The following CRACR2A variants were observed in gnomAD, a reference collection of about 807,000 sequenced individuals.
The protein encoded by CRACR2A is EF-hand calcium-binding domain-containing protein 4B.
CRACR2A carries 79 observed loss-of-function variants against 90.5 expected under a neutral mutation model. The observed-to-expected ratio is 0.87, with a 90% CI of 0.73 to 1.05. The LOEUF (loss-of-function observed/expected upper bound fraction) is 1.05, where lower values mean the gene tolerates loss of function less well. Ranked by LOEUF, CRACR2A falls within the 50% of genes least tolerant of loss-of-function variation. The pLI is 0.00. For synonymous variants in CRACR2A, 338 were observed against 356.7 expected (o/e 0.95, Z 0.59); for missense variants, 823 against 897.2 (o/e 0.92, Z 1.06).
chr12:3,701,620 G>C (rs1440569428), intron 3 of CRACR2A, among the ~76,000 whole-genome samples: 1 of 152,078 alleles, frequency 6.6e-6, no homozygotes, highest in Non-Finnish European at 1.5e-5. Context: ...CACTCAAGGA[G>C]AGATAGATTA....
chr12:3,720,416 GAAGAAAGAAAGAAAGAAAGAAAGAAAGA>G (rs554793478), intron 2 of CRACR2A, among the ~76,000 whole-genome samples: 32 of 106,710 alleles, frequency 3.0e-4, no homozygotes, highest in South Asian at 1.0e-3. Flanking sequence ...TGAGAGAGAG[GAAGAAAGAAAGAAAGAAAGAAAGAAAGA>G]AAGAAAGAAA....
At chr12:3,748,454 G>C (rs1192373549) in intron 1 of CRACR2A, among the ~76,000 whole-genome samples, 1 of 152,200 alleles carries the variant, frequency 6.6e-6, no homozygotes, top group Non-Finnish European at 1.5e-5. Flanking sequence ...CTGGCATTCC[G>C]AGAAAGCCAG....
chr12:3,742,358 G>T (rs965322665), intron 1 of CRACR2A, among the ~76,000 whole-genome samples: 1 of 152,128 alleles, frequency 6.6e-6, no homozygotes, highest in Non-Finnish European at 1.5e-5. Flanking sequence ...ACAGGGTTCC[G>T]AATACCATCT....
chr12:3,666,364 T>TGTGTGTGTGTGTGC (rs765943563), intron 7 of CRACR2A, among the ~76,000 whole-genome samples: 13 of 149,496 alleles, frequency 8.7e-5, no homozygotes, highest in African/African-American at 3.0e-4. Flanking sequence ...TGCGTGCGTG[T>TGTGTGTGTGTGTGC]GCGCGTGCGC....
intron 1 of CRACR2A, among the ~76,000 whole-genome samples, chr12:3,743,114 C>T (rs1439514014): frequency 6.6e-6 from 1 of 152,206 alleles, no homozygotes; most frequent in Admixed American, 6.5e-5. Flanking sequence ...CTATTGAGTA[C>T]AAATTAGAAC....
At chr12:3,718,450 G>C (rs982864107) in intron 2 of CRACR2A, among the ~76,000 whole-genome samples, 1 of 152,134 alleles carries the variant, frequency 6.6e-6, no homozygotes, top group African/African-American at 2.4e-5. Context: ...GCAGAGTCTT[G>C]ATCCCAAGCC....
chr12:3,637,015 G>A (rs1014370232), intron 14 of CRACR2A, among the ~76,000 whole-genome samples: 1 of 152,194 alleles, frequency 6.6e-6, no homozygotes, highest in African/African-American at 2.4e-5. Flanking sequence ...CAGGATGAGG[G>A]CTCGAGGGGC....
In CRACR2A at chr12:3,633,770, G is replaced by A. The variant is rs566274133; in HGVS notation, c.1603-34C>T. The A allele has an allele frequency of 1.3e-6, 2 of 1,550,824 alleles. No individual in the cohort carries two copies. The highest frequency in any genetic ancestry group is 1.7e-6 in the Non-Finnish European group (2 of 1,146,932). ...GGCACACAATCTGACCAACTGCAGG[G>A]AATAGTCTTGCCAGCCCCTGCCCCT... On this transcript the variant is annotated intron_variant, in intron 14 of 19. Coordinates refer to ENST00000440314, the MANE Select transcript of CRACR2A (RefSeq NM_001144958.2). This position sits in a 1 kb window ranked among gnomAD's most constrained non-coding sequence, Gnocchi z 4.5.
chr12:3,675,351 C>T (rs1945318083), intron 6 of CRACR2A, among the ~76,000 whole-genome samples: 1 of 151,940 alleles, frequency 6.6e-6, no homozygotes. Flanking sequence ...GCAGCTTGCT[C>T]CCTGCTGTGG....
At chr12:3,701,798 G>C (rs931947287) in intron 3 of CRACR2A, among the ~76,000 whole-genome samples, 5 of 151,932 alleles carry the variant, frequency 3.3e-5, no homozygotes, top group Non-Finnish European at 7.4e-5. Flanking sequence ...TGAAGACTAG[G>C]AAATACTTCC....
At chr12:3,725,680 G>A (rs1280431121) in intron 2 of CRACR2A, among the ~76,000 whole-genome samples, 1 of 152,184 alleles carries the variant, frequency 6.6e-6, no homozygotes, top group Non-Finnish European at 1.5e-5. Flanking sequence ...CAGATCCTCT[G>A]GGGAGATTTT....
intron 2 of CRACR2A, among the ~76,000 whole-genome samples, chr12:3,718,770 C>T (rs1243429189): frequency 2.0e-5 from 3 of 152,144 alleles, no homozygotes; most frequent in African/African-American, 4.8e-5. Context: ...TGATGTGCAG[C>T]GCTGGTCTGG....
intron 7 of CRACR2A, among the ~76,000 whole-genome samples, chr12:3,663,415 A>C (rs2137521639): frequency 6.6e-6 from 1 of 152,286 alleles, no homozygotes; most frequent in Non-Finnish European, 1.5e-5. Flanking sequence ...TGTTTCTCTA[A>C]GCAGTTATTT....
chr12:3,713,971 T>C (rs984042554), intron 2 of CRACR2A, among the ~76,000 whole-genome samples: 1 of 152,174 alleles, frequency 6.6e-6, no homozygotes, highest in Admixed American at 6.5e-5. Flanking sequence ...AGAGCATGCT[T>C]GAAATGACTG....
intron 4 of CRACR2A, 111 bp from the exon 5 acceptor site, chr12:3,680,460 A>G: frequency 1.2e-6 from 1 of 817,728 alleles, no homozygotes; most frequent in South Asian, 1.6e-5. Flanking sequence ...GCCCAGTCCT[A>G]CAAAAGCCAG....
chr12:3,682,051 G>A (rs1945464954), intron 4 of CRACR2A, among the ~76,000 whole-genome samples: 1 of 152,200 alleles, frequency 6.6e-6, no homozygotes, highest in African/African-American at 2.4e-5. Flanking sequence ...GCTACAGTAG[G>A]AGAACACGGG....
intron 18 of CRACR2A, among the ~76,000 whole-genome samples, chr12:3,617,626 G>A (rs537650165): frequency 6.6e-6 from 1 of 152,214 alleles, no homozygotes; most frequent in Admixed American, 6.5e-5. Flanking sequence ...CACCAGACTG[G>A]CCGTCAGCTC....
At chr12:3,659,473 T>C (rs1392487128) in intron 8 of CRACR2A, 91 bp downstream of exon 8, 9 of 1,093,328 alleles carry the variant, frequency 8.2e-6, no homozygotes, top group African/African-American at 1.6e-5. Flanking sequence ...CAATAGTGCA[T>C]GGATGGGGGC....
chr12:3,681,171 G>T (rs371281513), intron 4 of CRACR2A, among the ~76,000 whole-genome samples: 6 of 152,192 alleles, frequency 3.9e-5, no homozygotes, highest in African/African-American at 1.4e-4. Context: ...GCTCTGAGGG[G>T]ATATGGGATA....
Sources: allele counts gnomAD v4.1 joint callset (sites outside exome capture counted in the v4.1 genomes callset), GRCh38; gene constraint gnomAD v4.1.1; non-coding constraint Gnocchi (gnomAD v3.1); transcripts MANE v1.5; gene names NCBI Gene and HGNC (gene_info 2026-07-23, HGNC 2026-07-21).